KSR1: variants seen among roughly 807,000 people sequenced by gnomAD.
The protein encoded by KSR1 is kinase suppressor of ras.
A neutral mutation model predicts 92.9 loss-of-function variants in KSR1; 35 were observed. The ratio of observed to expected loss-of-function variants is 0.38; its 90% CI spans 0.29 to 0.50. KSR1 has a LOEUF of 0.50. KSR1 is among the 20% of genes least tolerant of loss of function. The pLI, the probability that KSR1 is intolerant of heterozygous loss-of-function variation, is 0.94. For missense variants in KSR1, 972 were observed against 1,158.5 expected (o/e 0.84, Z 2.34); for synonymous variants, 467 against 472.6 (o/e 0.99, Z 0.15).
intron 2 of KSR1, among the ~76,000 whole-genome samples, chr17:27,565,055 G>A (rs1168028381): frequency 6.6e-6 from 1 of 152,124 alleles, no homozygotes; most frequent in African/African-American, 2.4e-5. Context: ...TAGCTTTTTA[G>A]GTGTTTTCTT....
intron 12 of KSR1, 98 bp downstream of exon 12, chr17:27,603,986 A>C: frequency 1.6e-6 from 2 of 1,231,932 alleles, no homozygotes; most frequent in Non-Finnish European, 2.4e-6. Context: ...TTCCATCTCC[A>C]GCCAGCCAGA....
chr17:27,508,520 A>G lies in KSR1; in HGVS notation c.232-42048A>G, dbSNP rs1164991888. ...TGAAGCCCCTCTCTGACTCAAGATC[A>G]TGCTCTTTGCCCCACATCACTCCTC... On this transcript the variant is annotated intron_variant, in intron 1 of 20. Transcript: ENST00000644974. Among the ~76,000 whole-genome samples the G allele has an allele frequency of 3.9e-5, 6 of 152,070 alleles. No individual in the cohort carries two copies. The South Asian group carries it at 1.2e-3, about 32-fold the overall frequency.
At chr17:27,536,235 T>G (rs950998230) in intron 1 of KSR1, among the ~76,000 whole-genome samples, 1 of 152,054 alleles carries the variant, frequency 6.6e-6, no homozygotes, top group African/African-American at 2.4e-5. Flanking sequence ...TCCTAGTAAA[T>G]TGAACAACAA....
chr17:27,621,517 G>T (rs2074223276), intron 20 of KSR1, among the ~76,000 whole-genome samples: 1 of 152,206 alleles, frequency 6.6e-6, no homozygotes, highest in Non-Finnish European at 1.5e-5. Flanking sequence ...TGAGTGAATG[G>T]GTGGCTTGTC....
intron 14 of KSR1, among the ~76,000 whole-genome samples, chr17:27,606,047 A>G (rs1598135254): frequency 1.3e-5 from 2 of 152,242 alleles, no homozygotes; most frequent in African/African-American, 2.4e-5. Context: ...TGGGAGGCCA[A>G]GGTGGAAGGA....
chr17:27,586,181 G>A (rs1869690812), intron 5 of KSR1, among the ~76,000 whole-genome samples: 1 of 152,208 alleles, frequency 6.6e-6, no homozygotes, highest in South Asian at 2.1e-4. Flanking sequence ...GCCCCTTTGG[G>A]AGGAGAGGAC....
At chr17:27,503,426 G>A (rs940007) in intron 1 of KSR1, among the ~76,000 whole-genome samples, 88 of 152,136 alleles carry the variant, frequency 5.8e-4, no homozygotes, top group African/African-American at 2.0e-3. Context: ...GATCTAGGCC[G>A]GGTGGCTCCT....
rs185343712 is a variant in KSR1, at chr17:27,583,247, T to A, written c.980+142T>A. The A allele has an allele frequency of 4.0e-5, 25 of 623,164 alleles. No homozygotes were observed. The East Asian group carries it at 6.2e-4, about 15-fold the overall frequency. 38.6% of individuals were successfully genotyped at this position (623,164 alleles called of 1,614,324 possible). On this transcript the variant is annotated intron_variant, in intron 4 of 20. Coordinates refer to ENST00000644974, the MANE Select transcript of KSR1 (RefSeq NM_001394583.1). ...AAGGTGCCCCCATCTTTCAGTCCAT[T>A]CCTCAGACTACTTTAGTGGTGTGGG...
At chr17:27,557,128 T>C (rs2071628248) in intron 2 of KSR1, among the ~76,000 whole-genome samples, 1 of 151,694 alleles carries the variant, frequency 6.6e-6, no homozygotes, top group African/African-American at 2.4e-5. Context: ...GCCCAGGGGG[T>C]GGGGATAGGT....
intron 18 of KSR1, chr17:27,612,624 A>T (rs2073951850): frequency 6.6e-6 from 1 of 151,922 alleles, no homozygotes; most frequent in South Asian, 2.1e-4. Context: ...ATATAAAGAA[A>T]CTCCAGGGCT....
At chr17:27,524,036 T>C (rs1180397174) in intron 1 of KSR1, among the ~76,000 whole-genome samples, 3 of 152,164 alleles carry the variant, frequency 2.0e-5, no homozygotes, top group Non-Finnish European at 4.4e-5. Context: ...TTTGGGTACC[T>C]CTGGCCCATG....
chr17:27,517,204 T>G (rs2069831747), intron 1 of KSR1, among the ~76,000 whole-genome samples: 1 of 152,242 alleles, frequency 6.6e-6, no homozygotes, highest in African/African-American at 2.4e-5. Flanking sequence ...CTATTGCCTT[T>G]AAGGGTGGCT....
chr17:27,620,656 G>A (rs2074198368), intron 19 of KSR1, among the ~76,000 whole-genome samples: 1 of 152,152 alleles, frequency 6.6e-6, no homozygotes, highest in African/African-American at 2.4e-5. Context: ...CAGAGACCAG[G>A]AGCATGGGGC....
intron 6 of KSR1, among the ~76,000 whole-genome samples, chr17:27,590,019 C>G (rs1053878866): frequency 6.6e-6 from 1 of 152,144 alleles, no homozygotes; most frequent in African/African-American, 2.4e-5. Context: ...AATGGAGATA[C>G]AATTTATGTA....
At chr17:27,521,334 CTTT>C (rs759201177) in intron 1 of KSR1, among the ~76,000 whole-genome samples, 6 of 134,892 alleles carry the variant, frequency 4.4e-5, no homozygotes, top group African/African-American at 5.5e-5. Flanking sequence ...AAGGCCATTC[CTTT>C]TTTTTTTTTT....
At chr17:27,599,048 T>A (rs1043070915) in intron 10 of KSR1, among the ~76,000 whole-genome samples, 1 of 152,262 alleles carries the variant, frequency 6.6e-6, no homozygotes, top group Non-Finnish European at 1.5e-5. Flanking sequence ...CGTGATTTCA[T>A]TGTTACGTGA....
chr17:27,567,450 A>G (rs1316449184), intron 2 of KSR1, among the ~76,000 whole-genome samples: 5 of 152,144 alleles, frequency 3.3e-5, no homozygotes. Flanking sequence ...TGTAGTGGGT[A>G]GGAGTGGGCA....
chr17:27,592,645 G>A lies in KSR1; in HGVS notation c.1299+19G>A, dbSNP rs1052520013. 6.2e-7 allele frequency: 1 copy of A among 1,602,324 alleles called. No individual in the cohort carries two copies. Among genetic ancestry groups the A allele is most frequent in the Non-Finnish European group, 8.5e-7 (1 of 1,172,996 alleles). On this transcript the variant is annotated intron_variant, in intron 9 of 20. Transcript: ENST00000644974. The stretch of plus-strand genomic sequence containing the variant: ...AAAGAAGGTACGCTGGGTAATGCTG[G>A]GGAGGACGCCCTTCTGCCACTGGCC...
chr17:27,571,177 G>A (rs2151138882), intron 2 of KSR1, among the ~76,000 whole-genome samples: 1 of 152,260 alleles, frequency 6.6e-6, no homozygotes, highest in African/African-American at 2.4e-5. Flanking sequence ...CAGGGGTGGG[G>A]TAGTGAGGAG....
Sources: gnomAD v4.1 joint callset for allele counts (sites outside exome capture counted in the v4.1 genomes callset) on GRCh38, gnomAD v4.1.1 for gene constraint, MANE v1.5 for transcripts, NCBI Gene and HGNC (gene_info 2026-07-23, HGNC 2026-07-21) for gene names.